CLDN10: variants seen among roughly 807,000 people sequenced by gnomAD.
The protein encoded by CLDN10 is claudin-10.
In CLDN10, 15 loss-of-function variants were observed where a neutral mutation model predicts 22.9. That is an observed-to-expected ratio of 0.65 (90% confidence interval 0.44 to 1.01). The LOEUF (loss-of-function observed/expected upper bound fraction) is 1.01. Ranked by LOEUF, CLDN10 falls within the 50% of genes least tolerant of loss-of-function variation. CLDN10 has a pLI of 0.00. For synonymous variants in CLDN10, 114 were observed against 111.4 expected (o/e 1.02, Z -0.15); for missense variants, 247 against 287.8 (o/e 0.86, Z 1.03).
At chr13:95,503,976 T>G (rs976558037) in intron 1 of CLDN10, among the ~76,000 whole-genome samples, 5 of 152,192 alleles carry the variant, frequency 3.3e-5, no homozygotes, top group African/African-American at 1.2e-4. Context: ...AATAATAAAT[T>G]TTATGTTACC....
chr13:95,478,141 C>A (rs2095774), intron 1 of CLDN10, among the ~76,000 whole-genome samples: 13,365 of 144,120 alleles, frequency 0.093, 843 homozygotes, highest in South Asian at 0.22. Flanking sequence ...ACCATATCAA[C>A]TAAAATAGAA....
chr13:95,446,206 G>A (rs1175744312), intron 1 of CLDN10, among the ~76,000 whole-genome samples: 1 of 152,178 alleles, frequency 6.6e-6, no homozygotes, highest in Non-Finnish European at 1.5e-5. Context: ...GGTCGAGGGG[G>A]TTCTGCTAAG....
At chr13:95,574,599 G>A (rs1391731725) in intron 3 of CLDN10, among the ~76,000 whole-genome samples, 1 of 152,018 alleles carries the variant, frequency 6.6e-6, no homozygotes, top group African/African-American at 2.4e-5. Context: ...GGGAAACCCT[G>A]TCTCTACTGA....
chr13:95,575,579 G>A (rs968930309), intron 3 of CLDN10, among the ~76,000 whole-genome samples: 12 of 151,798 alleles, frequency 7.9e-5, no homozygotes, highest in African/African-American at 2.9e-4. Context: ...TGTGGACTTC[G>A]CTGCTCAGTT....
chr13:95,496,281 T>C (rs892764623), intron 1 of CLDN10, among the ~76,000 whole-genome samples: 15 of 152,336 alleles, frequency 9.8e-5, no homozygotes, highest in African/African-American at 3.6e-4. Flanking sequence ...TTCTTTGAGA[T>C]ATTCATAAGT....
At chr13:95,546,406 G>A (rs1390170410) in intron 1 of CLDN10, among the ~76,000 whole-genome samples, 2 of 152,182 alleles carry the variant, frequency 1.3e-5, no homozygotes, top group Non-Finnish European at 2.9e-5. Context: ...GTACCCCATT[G>A]CATGGAGTTT....
intron 1 of CLDN10, among the ~76,000 whole-genome samples, chr13:95,495,778 A>AAGAT (rs1172200244): frequency 1.7e-4 from 26 of 151,928 alleles, no homozygotes; most frequent in Admixed American, 1.6e-3. Flanking sequence ...GAAAGAAAGA[A>AAGAT]AGAAATGAAG....
chr13:95,566,190 G>A (rs2043785395), intron 3 of CLDN10, among the ~76,000 whole-genome samples: 1 of 152,218 alleles, frequency 6.6e-6, no homozygotes, highest in African/African-American at 2.4e-5. Flanking sequence ...AGATCCTTGA[G>A]GAATTGCTAC....
chr13:95,555,047 G>GTTTTTTTTTTTTTTTT (rs71211686), intron 1 of CLDN10, among the ~76,000 whole-genome samples: 1 of 108,674 alleles, frequency 9.2e-6, no homozygotes, highest in Non-Finnish European at 1.8e-5. Context: ...TGTTAATCCA[G>GTTTTTTTTTTTTTTTT]TTTTTTTTTT....
chr13:95,556,787 C>A (rs538583994), intron 1 of CLDN10, among the ~76,000 whole-genome samples: 26 of 152,312 alleles, frequency 1.7e-4, no homozygotes, highest in African/African-American at 6.0e-4. Context: ...TTTTTTCCCC[C>A]CTAAATCCAT....
At chr13:95,489,706 A>T (rs1267724808) in intron 1 of CLDN10, among the ~76,000 whole-genome samples, 1 of 152,068 alleles carries the variant, frequency 6.6e-6, no homozygotes, top group African/African-American at 2.4e-5. Flanking sequence ...ACCATGCAAA[A>T]GTTCTTTAGT....
chr13:95,476,411 G>C (rs368562784), intron 1 of CLDN10, among the ~76,000 whole-genome samples: 2 of 152,276 alleles, frequency 1.3e-5, no homozygotes, highest in East Asian at 3.9e-4. Context: ...GTGTCCTCAC[G>C]TGGTGGCAGA....
chr13:95,434,083 A>T, intron 1 of CLDN10: 1 of 1,579,704 alleles, frequency 6.3e-7, no homozygotes, highest in Non-Finnish European at 8.7e-7. Context: ...TGGAGGTAAA[A>T]TGTACTTTTC....
intron 1 of CLDN10, among the ~76,000 whole-genome samples, chr13:95,502,968 G>A (rs2043001868): frequency 6.6e-6 from 1 of 152,228 alleles, no homozygotes; most frequent in Non-Finnish European, 1.5e-5. Context: ...AGGGATAGGA[G>A]TAAAACTTAA....
At chr13:95,516,904 C>A (rs939628904) in intron 1 of CLDN10, among the ~76,000 whole-genome samples, 7 of 152,222 alleles carry the variant, frequency 4.6e-5, no homozygotes, top group Non-Finnish European at 2.9e-5. Flanking sequence ...GATCTGAAAA[C>A]CATGGGCAAT....
At chr13:95,516,207 G>A (rs911230205) in intron 1 of CLDN10, among the ~76,000 whole-genome samples, 1 of 152,150 alleles carries the variant, frequency 6.6e-6, no homozygotes, top group Non-Finnish European at 1.5e-5. Flanking sequence ...CAGCTTCATA[G>A]TAATAGAATA....
At chr13:95,463,654 T>A (rs1043332852) in intron 1 of CLDN10, among the ~76,000 whole-genome samples, 3 of 151,902 alleles carry the variant, frequency 2.0e-5, no homozygotes, top group Non-Finnish European at 4.4e-5. Context: ...TTAAAGCAGG[T>A]TTTGAAACTA....
In CLDN10 at chr13:95,487,859, G is replaced by A. The variant is rs113226792; in HGVS notation, c.214+53812G>A. ...CTGGCTAATTTTAAAAAATTTTTTT[G>A]TAGAGACAGGGTCTCACAGTGTTGC... On this transcript the variant is annotated intron_variant, in intron 1 of 4. Coordinates refer to the CLDN10 transcript ENST00000376873. Among the ~76,000 whole-genome samples the A allele has an allele frequency of 4.7e-3, 716 of 151,694 alleles. 6 individuals are homozygous for A. The highest frequency in any genetic ancestry group is 0.017 in the African/African-American group (685 of 41,372).
chr13:95,520,167 C>A (rs1232384655), intron 1 of CLDN10, among the ~76,000 whole-genome samples: 2 of 152,106 alleles, frequency 1.3e-5, no homozygotes, highest in African/African-American at 2.4e-5. Flanking sequence ...AGAACTAATA[C>A]CAGATTAATC....
Sources: gnomAD v4.1 joint callset for allele counts (sites outside exome capture counted in the v4.1 genomes callset) on GRCh38, gnomAD v4.1.1 for gene constraint, MANE v1.5 for transcripts, NCBI Gene and HGNC (gene_info 2026-07-23, HGNC 2026-07-21) for gene names.